TAF1C: variants seen among roughly 807,000 people sequenced by gnomAD.
TAF1C encodes TATA box-binding protein-associated factor RNA polymerase I subunit C.
A neutral mutation model predicts 70.5 loss-of-function variants in TAF1C; 79 were observed. That is an observed-to-expected ratio of 1.12 (90% CI 0.93 to 1.35). The LOEUF (loss-of-function observed/expected upper bound fraction) is 1.35. TAF1C is among the 40% of genes most tolerant of loss of function. The pLI is 0.00. For missense variants in TAF1C, 1,412 were observed against 1,127.8 expected, an observed-to-expected ratio of 1.25 and a Z score of -3.61; for synonymous variants, 614 against 491.1, an observed-to-expected ratio of 1.25 and a Z score of -3.31.
Position 84,182,590 on chromosome 16 carries a change from G to T in TAF1C, c.483-150C>A. On this transcript the variant is annotated intron_variant, in intron 6 of 14. Transcript: ENST00000566732. The surrounding 1 kb of genome is among the most constrained non-coding windows in gnomAD (Gnocchi z 5.0). ...CCACCCCATCCTGTTCCCATGCCCC[G>T]GAAGCAATCATGTGACCCAGACCTG... is the stretch of plus-strand genomic sequence containing the variant. The T allele has an allele frequency of 1.3e-6, 1 of 751,826 alleles. No homozygotes were observed. The highest frequency in any genetic ancestry group is 2.1e-6 in the Non-Finnish European group (1 of 474,510). 46.6% of individuals were successfully genotyped at this position (751,826 alleles called of 1,614,324 possible).
At chr16:84,180,368 A>T in intron 12 of TAF1C, 24 bp from the exon 13 acceptor site, 1 of 1,530,768 alleles carries the variant, frequency 6.5e-7, no homozygotes, top group Non-Finnish European at 8.7e-7. Flanking sequence ...AGGAAGGGGG[A>T]TGTGGCCGAA....
rs759022272 is a variant in TAF1C at position 84,184,965 on chromosome 16, G to A, written c.24C>T (p.Arg8=). ...GGGGGCCGGTCAGAAACAATGCAGGGCGGAGGGAGCTGGGGAAGTCCATCC... is the reference window on the plus strand; with the variant it reads ...GGGGGCCGGTCAGAAACAATGCAGGACGGAGGGAGCTGGGGAAGTCCATCC... MDFPSSL[R]PALFLTGPLG... Residue 8 remains arginine (R), a synonymous_variant, in exon 2 of 15, where the codon CGC becomes CGT. Transcript: ENST00000566732. 7 of 1,613,832 alleles carry A rather than the reference G, an allele frequency of 4.3e-6. No individual in the cohort carries two copies. The highest frequency in any genetic ancestry group is 5.1e-6 in the Non-Finnish European group (6 of 1,179,878).
At chr16:84,184,487 G>T (rs1597572825) in intron 2 of TAF1C, among the ~76,000 whole-genome samples, 1 of 152,178 alleles carries the variant, frequency 6.6e-6, no homozygotes, top group East Asian at 1.9e-4. Flanking sequence ...CTACTATGCT[G>T]TTTCAGCATC....
chr16:84,179,885 T>C (rs1423857598), intron 14 of TAF1C, 34 bp from the exon 15 acceptor site: 1 of 1,608,978 alleles, frequency 6.2e-7, no homozygotes, highest in Non-Finnish European at 8.5e-7. Context: ...CTCCAGGGCC[T>C]AGCGGGGGGA....
At chr16:84,180,480 G>T in intron 12 of TAF1C, 136 bp from the exon 13 acceptor site, 1 of 931,360 alleles carries the variant, frequency 1.1e-6, no homozygotes, top group Non-Finnish European at 1.6e-6. Flanking sequence ...GCCTCCACGT[G>T]CCTCTCAGAC....
rs752288909 is a variant in TAF1C, at chr16:84,181,931, A to G, written c.838+11T>C. The G allele has an allele frequency of 5.6e-6, 9 of 1,614,006 alleles. No individual in the cohort carries two copies. Among genetic ancestry groups the G allele is most frequent in the East Asian group, 2.2e-5 (1 of 44,858 alleles). Reference sequence around the variant, plus strand: ...GCCAGTGAGGGAGGAAAGTGTATATAAGGGCCTTACTTTCTCCCTGGACGG... The same window carrying G: ...GCCAGTGAGGGAGGAAAGTGTATATGAGGGCCTTACTTTCTCCCTGGACGG... On this transcript the variant is annotated intron_variant, in intron 8 of 14. Transcript: ENST00000566732.
chr16:84,182,254 T>C lies in TAF1C; in HGVS notation c.669A>G (p.Thr223=). The change falls in exon 7 of 15, where the codon ACA becomes ACG. Residue 223 remains threonine (T), a synonymous_variant. Transcript: ENST00000566732. This position sits in a 1 kb window ranked among gnomAD's most constrained non-coding sequence, Gnocchi z 5.0. ...GGALAWVPGR[T]PQFGQLVYPA... The stretch of plus-strand genomic sequence containing the variant: ...GGTAGACCAGCTGCCCGAACTGGGG[T>C]GTCCTTCCAGGAACCCAGGCCAGCG... 1 of 1,612,962 alleles carries C rather than the reference T, an allele frequency of 6.2e-7. No individual in the cohort carries two copies. Among genetic ancestry groups the C allele is most frequent in the Non-Finnish European group, 8.5e-7 (1 of 1,179,968 alleles).
rs1368080871 is a variant in TAF1C at position 84,178,951 on chromosome 16, A to C, written c.2522T>G (p.Met841Arg). 6.2e-7 allele frequency: 1 copy of C among 1,605,990 alleles called. No individual in the cohort carries two copies. The highest frequency in any genetic ancestry group is 8.5e-7 in the Non-Finnish European group (1 of 1,177,376). ...GCCCACCTTGTGTCCTCAGAAGCCC[A>C]TTCGAGGCTTCTTCCGGAGGGGCTG... The part of the protein sequence containing the change: ...SSQPLRKKPR[M>R]GF Residue 841 changes from methionine to arginine, a missense_variant, in exon 15 of 15, where the codon ATG (methionine) becomes AGG (arginine). Coordinates refer to ENST00000566732, the MANE Select transcript of TAF1C (RefSeq NM_001243156.2).
In TAF1C at chr16:84,179,333, T is replaced by A. The variant is rs368647915; in HGVS notation, c.2140A>T (p.Thr714Ser). ...CTGGTCTGTCTCCCGGGCTCCGAGGTCCTGCCCTGCTGCCTCTCCCACCAG... is the reference window on the plus strand; with the variant it reads ...CTGGTCTGTCTCCCGGGCTCCGAGGACCTGCCCTGCTGCCTCTCCCACCAG... ...AAWWERQQGR[T>S]SEPGRQTRRP... is the part of the protein sequence containing the mutation. The change falls in exon 15 of 15, where the codon ACC becomes TCC. Residue 714 changes from threonine (T) to serine (S), a missense_variant. Thr to Ser is a moderately conservative substitution (Grantham distance 58). Coordinates refer to ENST00000566732, the MANE Select transcript of TAF1C (RefSeq NM_001243156.2). 33 of 1,601,308 alleles carry A rather than the reference T, an allele frequency of 2.1e-5. No homozygotes were observed. Among genetic ancestry groups the A allele is most frequent in the South Asian group, 4.4e-5 (4 of 90,926 alleles).
At chr16:84,180,691 C>G (rs144375235) in intron 12 of TAF1C, 2 of 859,292 alleles carry the variant, frequency 2.3e-6, no homozygotes, top group Non-Finnish European at 3.2e-6. Context: ...TACGAATGTC[C>G]CCGGGAGGGC....
chr16:84,184,944 G>T lies in TAF1C; in HGVS notation c.45C>A (p.Gly15=). The change falls in exon 2 of 15, where the codon GGC becomes GGA. Residue 15 remains glycine, a synonymous_variant. Coordinates refer to ENST00000566732, the MANE Select transcript of TAF1C (RefSeq NM_001243156.2). ...CAGGGACGTCGCTCAGACCAAGGGGGCCGGTCAGAAACAATGCAGGGCGGA... is the reference window on the plus strand; with the variant it reads ...CAGGGACGTCGCTCAGACCAAGGGGTCCGGTCAGAAACAATGCAGGGCGGA... ...SSLRPALFLT[G]PLGLSDVPDL... 1 of 1,613,964 alleles carries T rather than the reference G, an allele frequency of 6.2e-7. No homozygotes were observed. The highest frequency in any genetic ancestry group is 1.1e-5 in the South Asian group (1 of 91,052).
Position 84,181,198 on chromosome 16 carries a change from A to G in TAF1C, c.1165-12T>C. On this transcript the variant is annotated splice_polypyrimidine_tract_variant and intron_variant, in intron 11 of 14. Transcript: ENST00000566732. The stretch of plus-strand genomic sequence containing the variant: ...CAGCCCGGCGGGCCCTGGAAGATAA[A>G]CACAGGGTCAGCCCTCCCCACAGTC... 6.2e-7 allele frequency: 1 copy of G among 1,600,478 alleles called. No individual in the cohort carries two copies. Among genetic ancestry groups the G allele is most frequent in the Non-Finnish European group, 8.5e-7 (1 of 1,169,618 alleles).
intron 1 of TAF1C, among the ~76,000 whole-genome samples, chr16:84,186,180 T>C (rs182745534): frequency 2.1e-4 from 32 of 152,324 alleles, no homozygotes; most frequent in Admixed American, 2.1e-3. Context: ...TCCCATCCGA[T>C]TCAGAGGCAG....
In TAF1C at chr16:84,178,648, C is replaced by A. The variant is rs570430472; in HGVS notation, c.*293G>T. 2.1e-6 allele frequency: 1 copy of A among 478,448 alleles called. No individual in the cohort carries two copies. The highest frequency in any genetic ancestry group is 3.3e-5 in the Admixed American group (1 of 30,322). The allele number at this position is 478,448 out of a possible 1,614,324, so 29.6% of individuals were successfully genotyped here. ...TGAGGCCCCCACAGCTGAGGCGCAGCGGAGCCCTGCCTCCCAGCACAGACT... is the reference window on the plus strand; with the variant it reads ...TGAGGCCCCCACAGCTGAGGCGCAGAGGAGCCCTGCCTCCCAGCACAGACT... On this transcript the variant is annotated 3_prime_UTR_variant, in exon 15 of 15. Transcript: ENST00000566732.
chr16:84,181,829 G>C lies in TAF1C; in HGVS notation c.873C>G (p.Ala291=), dbSNP rs147303527. The change falls in exon 9 of 15, where the codon GCC becomes GCG. Residue 291 remains alanine (A), a synonymous_variant. Coordinates refer to ENST00000566732, the MANE Select transcript of TAF1C (RefSeq NM_001243156.2). Reference sequence around the variant, plus strand: ...GCCACTGTTTACCAAACTTCCACACGGCACAGTGGTAGTCAGAGCGGACGG... The same window carrying C: ...GCCACTGTTTACCAAACTTCCACACCGCACAGTGGTAGTCAGAGCGGACGG... ...LLAVRSDYHC[A]VWKFGKQWQP... is the part of the protein sequence containing the mutation. The C allele has an allele frequency of 1.4e-5, 22 of 1,614,034 alleles. No homozygotes were observed. The African/African-American group carries it at 2.3e-4, about 17-fold the overall frequency.
chr16:84,179,430 AG>A lies in TAF1C; in HGVS notation c.2042del (p.Pro681LeufsTer7), dbSNP rs2151294200. 6.3e-7 allele frequency: 1 copy of A among 1,597,112 alleles called. No individual in the cohort carries two copies. Among genetic ancestry groups the A allele is most frequent in the Non-Finnish European group, 8.5e-7 (1 of 1,177,364 alleles). ...TGTCCTCTAGGCCTGACTCGGGTGC[AG>A]GGGGTGGCTCTGCCGCAGGGAGGGA... is the stretch of plus-strand genomic sequence containing the variant. ...LGSLPAAEPP[P>X]APESGLEDKL... is the part of the protein sequence containing the mutation. On this transcript the variant is annotated frameshift_variant, in exon 15 of 15. Coordinates refer to ENST00000566732, the MANE Select transcript of TAF1C (RefSeq NM_001243156.2). LOFTEE classifies it low-confidence loss of function (END_TRUNC).
At position 84,180,477 on chromosome 16, in the gene TAF1C, C is replaced by T. The variant is rs1328055005; in HGVS notation, c.1309-133G>A. 2.5e-5 allele frequency: 24 copies of T among 958,874 alleles called. No homozygotes were observed. In the South Asian group the frequency reaches 2.5e-4, roughly 10 times the overall value. The allele number at this position is 958,874 out of a possible 1,614,324, so 59.4% of individuals were successfully genotyped here. On this transcript the variant is annotated intron_variant, in intron 12 of 14. Transcript: ENST00000566732. ...CAGCAGCATCTCCCATCAGCCTCCA[C>T]GTGCCTCTCAGACTTCACCTGCCAG...
At position 84,179,957 on chromosome 16, in the gene TAF1C, G is replaced by A; in HGVS notation, c.1610C>T (p.Ala537Val). ...IQWRLQERLK[A>V]PTIGLAAVVP... ...CCCACCCAGCACACCTATGGTCGGT[G>A]CTTTCAGGCGCTCCTGCAGCCGCCA... Residue 537 changes from alanine to valine, a missense_variant, in exon 14 of 15, where the codon GCA becomes GTA. Physicochemically the swap from Ala to Val is moderately conservative, Grantham distance 64. Transcript: ENST00000566732. The A allele has an allele frequency of 6.2e-7, 1 of 1,612,352 alleles. No individual in the cohort carries two copies. The highest frequency in any genetic ancestry group is 8.5e-7 in the Non-Finnish European group (1 of 1,179,872).
chr16:84,181,892 C>T (rs1597556440), intron 8 of TAF1C, 29 bp from the exon 9 acceptor site: 5 of 1,614,014 alleles, frequency 3.1e-6, no homozygotes, highest in East Asian at 2.2e-5. Flanking sequence ...GGCCAGGGGT[C>T]AGGTAGCAGG....
Sources: gnomAD v4.1 joint callset for allele counts (sites outside exome capture counted in the v4.1 genomes callset) on GRCh38, gnomAD v4.1.1 for gene constraint, Gnocchi (gnomAD v3.1) non-coding constraint, MANE v1.5 for transcripts, NCBI Gene and HGNC (gene_info 2026-07-23, HGNC 2026-07-21) for gene names.